KCNK2: variants seen among roughly 807,000 people sequenced by gnomAD.
KCNK2 encodes potassium channel subfamily K member 2.
In KCNK2, 21 loss-of-function variants were observed where a neutral mutation model predicts 40.5. The ratio of observed to expected loss-of-function variants is 0.52; its 90% CI spans 0.37 to 0.75. The LOEUF (loss-of-function observed/expected upper bound fraction) is 0.75, where lower values mean the gene tolerates loss of function less well. Ranked by LOEUF, KCNK2 falls within the 30% of genes least tolerant of loss-of-function variation. The pLI is 0.00. For missense variants in KCNK2, 399 were observed against 531.6 expected, an observed-to-expected ratio of 0.75 and a Z score of 2.45; for synonymous variants, 191 against 202.2, an observed-to-expected ratio of 0.94 and a Z score of 0.47.
chr1:215,022,353 C>T (rs1292575425), intron 1 of KCNK2, among the ~76,000 whole-genome samples: 1 of 152,140 alleles, frequency 6.6e-6, no homozygotes, highest in Non-Finnish European at 1.5e-5. Flanking sequence ...TGTGACATCA[C>T]TGGTTGTTGA....
At chr1:215,042,702 C>T (rs1394254197) in intron 1 of KCNK2, among the ~76,000 whole-genome samples, 2 of 152,142 alleles carry the variant, frequency 1.3e-5, no homozygotes, top group African/African-American at 4.8e-5. Flanking sequence ...TTACTTCTCC[C>T]TCTTTTATCA....
intron 6 of KCNK2, among the ~76,000 whole-genome samples, chr1:215,196,744 GTTA>G (rs1013461042): frequency 5.3e-5 from 8 of 151,946 alleles, no homozygotes; most frequent in African/African-American, 1.9e-4. Flanking sequence ...ATAATGGATG[GTTA>G]TTCTTCATGT....
Position 215,083,230 on chromosome 1 carries a change from T to TCCCCCCCCCC in KCNK2, c.-152_-151insCCCCCCCCCC. Reference sequence around the variant, plus strand: ...CCCCCTCCCGCGTCCAGCCCCGCTCTCCCCACCTTGTAAAACAAAGCCGGG... The same window carrying TCCCCCCCCCC: ...CCCCCTCCCGCGTCCAGCCCCGCTCTCCCCCCCCCCCCCCACCTTGTAAAACAAAGCCGGG... On this transcript the variant is annotated 5_prime_UTR_variant, in exon 1 of 7. Coordinates refer to ENST00000444842, the MANE Select transcript of KCNK2 (RefSeq NM_001017425.3). 1 of 828,158 alleles carries TCCCCCCCCCC rather than the reference T, an allele frequency of 1.2e-6. No individual in the cohort carries two copies. Among genetic ancestry groups the TCCCCCCCCCC allele is most frequent in the Non-Finnish European group, 1.6e-6 (1 of 612,938 alleles). The allele number at this position is 828,158 out of a possible 1,614,324, so 51.3% of individuals were successfully genotyped here.
At chr1:215,085,805 C>G (rs550877300) in intron 1 of KCNK2, among the ~76,000 whole-genome samples, 1 of 152,082 alleles carries the variant, frequency 6.6e-6, no homozygotes, top group Non-Finnish European at 1.5e-5. Context: ...CCATGTTTTA[C>G]CAGAAAATGA....
chr1:215,161,007 A>G (rs542468780), intron 3 of KCNK2, among the ~76,000 whole-genome samples: 28 of 152,062 alleles, frequency 1.8e-4, no homozygotes, highest in Non-Finnish European at 3.7e-4. Flanking sequence ...CGTCTCAGAG[A>G]AATGTTGCCG....
intron 1 of KCNK2, among the ~76,000 whole-genome samples, chr1:215,017,575 C>T (rs2601617): frequency 0.56 from 85,126 of 151,900 alleles, 25,524 homozygotes; most frequent in South Asian, 0.78. Context: ...TGGTGGTTAC[C>T]AGAGACTGGG....
Position 215,067,065 on chromosome 1 carries a change from G to C in KCNK2, c.35-19303G>C, listed in dbSNP as rs545459475. 1.4e-4 allele frequency among the ~76,000 whole-genome samples: 22 copies of C among 152,166 alleles called. No homozygotes were observed. The South Asian group carries it at 4.6e-3, about 32-fold the overall frequency. On this transcript the variant is annotated intron_variant, in intron 1 of 6. Transcript: ENST00000391895. ...TTGTGGAGAGGGGAAAGAAAAAAACGAACGGGGTGGGCTGGGCTGAACTGG... is the reference window on the plus strand; with the variant it reads ...TTGTGGAGAGGGGAAAGAAAAAAACCAACGGGGTGGGCTGGGCTGAACTGG...
intron 6 of KCNK2, among the ~76,000 whole-genome samples, chr1:215,204,356 T>C (rs2102676873): frequency 6.6e-6 from 1 of 152,146 alleles, no homozygotes; most frequent in South Asian, 2.1e-4. Flanking sequence ...GAATGTCATC[T>C]GGTAATGGAA....
chr1:215,110,222 T>C (rs2102561718), intron 2 of KCNK2, among the ~76,000 whole-genome samples: 1 of 152,234 alleles, frequency 6.6e-6, no homozygotes, highest in Non-Finnish European at 1.5e-5. Flanking sequence ...TTTAATATAG[T>C]CCCATTTGTC....
intron 6 of KCNK2, among the ~76,000 whole-genome samples, chr1:215,205,734 G>T (rs1665290278): frequency 6.6e-6 from 1 of 152,172 alleles, no homozygotes; most frequent in African/African-American, 2.4e-5. Flanking sequence ...AAGCCACTAA[G>T]ATGAAGGGGC....
chr1:215,159,880 T>C (rs1663119850), intron 3 of KCNK2, among the ~76,000 whole-genome samples: 1 of 152,110 alleles, frequency 6.6e-6, no homozygotes, highest in Non-Finnish European at 1.5e-5. Context: ...CCAGATGTGA[T>C]GCACTGAGCA....
At position 215,124,651 on chromosome 1, in the gene KCNK2, A is replaced by G; in HGVS notation, c.376A>G (p.Asn126Asp). ...CTTGCAGCAAATAGTGGCAGCAATA[A>G]ATGCAGGGATTATACCGTTAGGAAA... is the stretch of plus-strand genomic sequence containing the variant. The part of the protein sequence containing the change: ...ELIQQIVAAI[N>D]AGIIPLGNTS... Residue 126 changes from asparagine to aspartate, a missense_variant, in exon 3 of 7, where the codon AAT becomes GAT. Asn to Asp is a conservative substitution (Grantham distance 23). Coordinates refer to ENST00000444842, the MANE Select transcript of KCNK2 (RefSeq NM_001017425.3). The G allele has an allele frequency of 2.5e-6, 4 of 1,610,126 alleles. No homozygotes were observed. Among genetic ancestry groups the G allele is most frequent in the Non-Finnish European group, 3.4e-6 (4 of 1,176,386 alleles).
At chr1:215,169,459 T>C (rs1243069454) in intron 4 of KCNK2, 100 bp downstream of exon 4, 5 of 900,710 alleles carry the variant, frequency 5.6e-6, no homozygotes, top group African/African-American at 1.7e-5. Flanking sequence ...CATTCAATTA[T>C]TAGGGCTTCC....
chr1:215,046,665 G>T (rs980861853), intron 1 of KCNK2, among the ~76,000 whole-genome samples: 3 of 151,944 alleles, frequency 2.0e-5, no homozygotes, highest in African/African-American at 7.2e-5. Flanking sequence ...TTTGTATAAA[G>T]ATATTATGTC....
At chr1:215,104,767 G>T (rs968101842) in intron 2 of KCNK2, among the ~76,000 whole-genome samples, 2 of 151,994 alleles carry the variant, frequency 1.3e-5, no homozygotes, top group Admixed American at 6.6e-5. Context: ...AAATTATTTT[G>T]TATGGTAAAT....
At chr1:215,070,273 G>A (rs533629721) in intron 1 of KCNK2, among the ~76,000 whole-genome samples, 29 of 151,834 alleles carry the variant, frequency 1.9e-4, no homozygotes, top group South Asian at 4.2e-4. Context: ...GAAATTAGCC[G>A]GATGTGGTGG....
intron 6 of KCNK2, among the ~76,000 whole-genome samples, chr1:215,210,444 A>G (rs1466559960): frequency 2.0e-5 from 3 of 152,050 alleles, no homozygotes; most frequent in Non-Finnish European, 4.4e-5. Flanking sequence ...AACAAAAGTC[A>G]GTATAGTCTG....
chr1:215,172,027 A>T lies in KCNK2; in HGVS notation c.667A>T (p.Ile223Phe). Residue 223 changes from isoleucine (I) to phenylalanine (F), a missense_variant, in exon 5 of 7, where the codon ATC (isoleucine) becomes TTC (phenylalanine). Coordinates refer to ENST00000444842, the MANE Select transcript of KCNK2 (RefSeq NM_001017425.3). The stretch of plus-strand genomic sequence containing the variant: ...GAATGTTAGTCAGACCAAGATTCGC[A>T]TCATCTCAACAATCATATTTATACT... ...KWNVSQTKIR[I>F]ISTIIFILFG... 1 of 1,612,928 alleles carries T rather than the reference A, an allele frequency of 6.2e-7. No individual in the cohort carries two copies. Among genetic ancestry groups the T allele is most frequent in the Non-Finnish European group, 8.5e-7 (1 of 1,179,476 alleles).
intron 3 of KCNK2, among the ~76,000 whole-genome samples, chr1:215,138,328 A>G (rs1264787006): frequency 6.6e-6 from 1 of 152,210 alleles, no homozygotes; most frequent in Non-Finnish European, 1.5e-5. Context: ...TAAGAAAACT[A>G]GAGTGCTACC....
Sources: allele counts gnomAD v4.1 joint callset (sites outside exome capture counted in the v4.1 genomes callset), GRCh38; gene constraint gnomAD v4.1.1; transcripts MANE v1.5; gene names NCBI Gene and HGNC (gene_info 2026-07-23, HGNC 2026-07-21).